KIAA1549L: variants seen among roughly 807,000 people sequenced by gnomAD.
The protein encoded by KIAA1549L is UPF0606 protein KIAA1549L.
In KIAA1549L, 88 loss-of-function variants were observed where a neutral mutation model predicts 160.7. The observed-to-expected ratio is 0.55, with a 90% CI of 0.46 to 0.65. The LOEUF (loss-of-function observed/expected upper bound fraction) is 0.65. KIAA1549L is among the 30% of genes least tolerant of loss of function. KIAA1549L has a pLI of 0.00. For synonymous variants in KIAA1549L, 950 were observed against 976.7 expected (o/e 0.97, Z 0.51); for missense variants, 2,258 against 2,437.5 (o/e 0.93, Z 1.55).
chr11:33,417,173 T>C (rs1850905283), intron 1 of KIAA1549L, among the ~76,000 whole-genome samples: 1 of 152,246 alleles, frequency 6.6e-6, no homozygotes, highest in South Asian at 2.1e-4. Context: ...TAGCCATATG[T>C]GGCTGGCACA....
At chr11:33,401,947 G>A (rs573379865) in intron 1 of KIAA1549L, among the ~76,000 whole-genome samples, 5 of 152,350 alleles carry the variant, frequency 3.3e-5, no homozygotes, top group African/African-American at 1.2e-4. Flanking sequence ...ATGGGAGGGT[G>A]CACCCCACAT....
At chr11:33,451,923 ACT>A (rs1851728622) in intron 1 of KIAA1549L, among the ~76,000 whole-genome samples, 3 of 152,252 alleles carry the variant, frequency 2.0e-5, no homozygotes, top group Admixed American at 6.5e-5. Flanking sequence ...GTCACCTCAA[ACT>A]CTCTCACAAT....
At chr11:33,455,455 G>A (rs1851803765) in intron 1 of KIAA1549L, among the ~76,000 whole-genome samples, 1 of 152,082 alleles carries the variant, frequency 6.6e-6, no homozygotes, top group South Asian at 2.1e-4. Context: ...AGATTCCTGG[G>A]GGCTGGTGTA....
chr11:33,378,509 A>C (rs1373418464), intron 1 of KIAA1549L, among the ~76,000 whole-genome samples: 1 of 151,908 alleles, frequency 6.6e-6, no homozygotes, highest in Non-Finnish European at 1.5e-5. Context: ...TTTTCCTTTC[A>C]GTGTGGTGGT....
intron 16 of KIAA1549L, among the ~76,000 whole-genome samples, chr11:33,638,080 A>G (rs567594063): frequency 9.2e-5 from 14 of 152,302 alleles, no homozygotes; most frequent in African/African-American, 2.2e-4. Flanking sequence ...CAAGCTAGCT[A>G]TGTCAATCTG....
chr11:33,486,331 A>G (rs562052937), intron 1 of KIAA1549L, among the ~76,000 whole-genome samples: 5 of 152,204 alleles, frequency 3.3e-5, no homozygotes, highest in Admixed American at 1.3e-4. Context: ...TGATCCAGCA[A>G]TTCCACTTCT....
At chr11:33,456,239 T>A (rs534983451) in intron 1 of KIAA1549L, among the ~76,000 whole-genome samples, 2 of 152,298 alleles carry the variant, frequency 1.3e-5, no homozygotes, top group Non-Finnish European at 2.9e-5. Flanking sequence ...CTAATTAATT[T>A]TTCCCCCTAG....
At position 33,668,259 on chromosome 11, in the gene KIAA1549L, T is replaced by C. The variant is rs1192210424; in HGVS notation, c.*105T>C. ...TTGAGACATAGCAATGGGTGAGTCT[T>C]TCTCACCCTCCATTTCTGAAAAGGT... On this transcript the variant is annotated 3_prime_UTR_variant, in exon 21 of 21. Coordinates refer to ENST00000658780, the MANE Select transcript of KIAA1549L (RefSeq NM_012194.3). 2.0e-6 allele frequency: 2 copies of C among 1,017,126 alleles called. No homozygotes were observed. Among genetic ancestry groups the C allele is most frequent in the South Asian group, 1.6e-5 (1 of 61,508 alleles). The allele number at this position is 1,017,126 out of a possible 1,614,324, so 63.0% of individuals were successfully genotyped here. A position where few individuals can be genotyped will look rare whatever the true frequency, so the allele number is the denominator to read the frequency against.
intron 15 of KIAA1549L, among the ~76,000 whole-genome samples, chr11:33,614,474 T>C (rs1850725957): frequency 7.7e-6 from 1 of 129,150 alleles, no homozygotes; most frequent in Non-Finnish European, 1.6e-5. Context: ...TCAAAATTAG[T>C]CACACTCCCC....
chr11:33,615,676 G>A (rs1451917386), intron 15 of KIAA1549L, among the ~76,000 whole-genome samples: 1 of 151,924 alleles, frequency 6.6e-6, no homozygotes, highest in African/African-American at 2.4e-5. Flanking sequence ...ACACTTCAAT[G>A]TCGACACTTT....
At chr11:33,399,661 C>T (rs931543870) in intron 1 of KIAA1549L, among the ~76,000 whole-genome samples, 1 of 152,198 alleles carries the variant, frequency 6.6e-6, no homozygotes, top group African/African-American at 2.4e-5. Context: ...TTCCCCCTCA[C>T]CCTCCAGGGT....
chr11:33,631,933 A>C (rs1425873390), intron 16 of KIAA1549L, among the ~76,000 whole-genome samples: 5 of 152,162 alleles, frequency 3.3e-5, no homozygotes, highest in Non-Finnish European at 7.3e-5. Flanking sequence ...TGTCAAACAG[A>C]AGAGGTGACT....
intron 1 of KIAA1549L, among the ~76,000 whole-genome samples, chr11:33,490,909 G>A (rs1710548253): frequency 6.6e-6 from 1 of 152,208 alleles, no homozygotes; most frequent in Non-Finnish European, 1.5e-5. Context: ...CCACCCTGCT[G>A]GTCCATCAGC....
intron 1 of KIAA1549L, among the ~76,000 whole-genome samples, chr11:33,476,605 C>T (rs987845074): frequency 3.9e-5 from 6 of 152,322 alleles, no homozygotes; most frequent in East Asian, 3.9e-4. Flanking sequence ...CACCTCTCTT[C>T]GTAGCTCCTA....
Position 33,548,142 on chromosome 11 carries a change from G to T in KIAA1549L, c.3501+263G>T, listed in dbSNP as rs532891682. 3.3e-5 allele frequency among the ~76,000 whole-genome samples: 5 copies of T among 152,320 alleles called. No individual in the cohort carries two copies. The East Asian group carries it at 9.6e-4, about 29-fold the overall frequency. On this transcript the variant is annotated intron_variant, in intron 4 of 20. Transcript: ENST00000658780. ...TTGGCCAGGTGGGTGGCTCACACCT[G>T]TAATCCTAACACTTTGGGAGGCCGA...
rs146841008 is a variant in KIAA1549L at position 33,664,101 on chromosome 11, G to A, written c.6159+3087G>A. On this transcript the variant is annotated intron_variant, in intron 20 of 20. Transcript: ENST00000658780. ...ATACAAATGAAACATATCAGTGCTTGTATATAAAGACCCACTCTTAGTGCC... is the reference window on the plus strand; with the variant it reads ...ATACAAATGAAACATATCAGTGCTTATATATAAAGACCCACTCTTAGTGCC... Among the ~76,000 whole-genome samples, 167 of 152,268 alleles carry A rather than the reference G, an allele frequency of 1.1e-3. 2 individuals carry two copies. The highest frequency in any genetic ancestry group is 3.7e-3 in the African/African-American group (153 of 41,552).
rs1206657279 is a variant in KIAA1549L at position 33,435,789 on chromosome 11, T to G, written c.238+58900T>G. On this transcript the variant is annotated intron_variant, in intron 1 of 20. Coordinates refer to ENST00000658780, the MANE Select transcript of KIAA1549L (RefSeq NM_012194.3). The stretch of plus-strand genomic sequence containing the variant: ...ATATATATATATATATATATATATA[T>G]ATATATATATATATATATATATGTG... 2.7e-4 allele frequency among the ~76,000 whole-genome samples: 3 copies of G among 10,978 alleles called. 1 individual carries two copies. Among genetic ancestry groups the G allele is most frequent in the Non-Finnish European group, 1.4e-4 (1 of 7,172 alleles). The allele number at this position is 10,978 out of a possible 152,430, so 7.2% of individuals were successfully genotyped here.
chr11:33,497,314 C>T (rs1852843538), intron 1 of KIAA1549L, among the ~76,000 whole-genome samples: 1 of 152,192 alleles, frequency 6.6e-6, no homozygotes, highest in African/African-American at 2.4e-5. Context: ...TATGCAGCCT[C>T]AACATTCACC....
chr11:33,493,746 A>G (rs913101407), intron 1 of KIAA1549L, among the ~76,000 whole-genome samples: 1 of 152,178 alleles, frequency 6.6e-6, no homozygotes, highest in Non-Finnish European at 1.5e-5. Flanking sequence ...ACAGTTCCGA[A>G]GTTGGGTAAG....
Sources: allele counts gnomAD v4.1 joint callset (sites outside exome capture counted in the v4.1 genomes callset), GRCh38; gene constraint gnomAD v4.1.1; transcripts MANE v1.5; gene names NCBI Gene and HGNC (gene_info 2026-07-23, HGNC 2026-07-21).